METTL8: variants seen among roughly 807,000 people sequenced by gnomAD.
METTL8 encodes methyltransferase 8, tRNA N3-cytidine.
METTL8 carries 32 observed loss-of-function variants against 48.7 expected under a neutral mutation model. The observed-to-expected ratio is 0.66, with a 90% CI of 0.50 to 0.88. The LOEUF (loss-of-function observed/expected upper bound fraction) is 0.88, where lower values mean the gene tolerates loss of function less well. Ranked by LOEUF, METTL8 falls within the 40% of genes least tolerant of loss-of-function variation. The pLI is 0.00. For missense variants in METTL8, 464 were observed against 474.4 expected (o/e 0.98, Z 0.20); for synonymous variants, 136 against 157.1 (o/e 0.87, Z 1.01).
chr2:171,337,747 C>A (rs555448408), intron 4 of METTL8, among the ~76,000 whole-genome samples: 3 of 149,928 alleles, frequency 2.0e-5, no homozygotes, highest in Admixed American at 1.3e-4. Context: ...ATAACCAATA[C>A]GCTGTGAAGA....
chr2:171,384,515 C>T lies in METTL8; in HGVS notation c.143+7528G>A, dbSNP rs563307682. ...ACAGGGCAAGACTGTCTCAAATAAG[C>T]AAACAAACAAACAGACAAAAAATGA... On this transcript the variant is annotated intron_variant, in intron 2 of 9. Coordinates refer to ENST00000375258, the MANE Select transcript of METTL8 (RefSeq NM_001321154.2). Among the ~76,000 whole-genome samples, 3 of 145,628 alleles carry T rather than the reference C, an allele frequency of 2.1e-5. No homozygotes were observed. The East Asian group carries it at 6.3e-4, about 31-fold the overall frequency.
chr2:171,378,598 T>TGGAGTGA (rs1687207049), intron 2 of METTL8, among the ~76,000 whole-genome samples: 1 of 151,778 alleles, frequency 6.6e-6, no homozygotes, highest in Non-Finnish European at 1.5e-5. Flanking sequence ...ACCACTGCAC[T>TGGAGTGA]CCAGCCTGGG....
chr2:171,336,201 T>C (rs1686071991), intron 5 of METTL8, among the ~76,000 whole-genome samples: 1 of 152,004 alleles, frequency 6.6e-6, no homozygotes, highest in African/African-American at 2.4e-5. Context: ...GTTCAAGCAA[T>C]TCTCCTGTCT....
chr2:171,419,260 G>A (rs1406709456), intron 1 of METTL8, among the ~76,000 whole-genome samples: 1 of 151,896 alleles, frequency 6.6e-6, no homozygotes, highest in Admixed American at 6.6e-5. Flanking sequence ...TCCTCTCAAG[G>A]GACAAAGCAA....
chr2:171,346,727 C>G (rs926669501), intron 3 of METTL8, among the ~76,000 whole-genome samples: 2 of 152,232 alleles, frequency 1.3e-5, no homozygotes, highest in African/African-American at 2.4e-5. Flanking sequence ...TTCACAGAGG[C>G]ACTTGCCGAA....
intron 2 of METTL8, chr2:171,375,423 C>T: frequency 1.7e-6 from 1 of 603,832 alleles, no homozygotes; most frequent in South Asian, 2.0e-5. Context: ...TTTTATATTC[C>T]CACCAGCAGT....
chr2:171,431,809 G>A (rs1266036530), intron 1 of METTL8, among the ~76,000 whole-genome samples: 1 of 151,744 alleles, frequency 6.6e-6, no homozygotes, highest in African/African-American at 2.4e-5. Context: ...TGTTCGTCAG[G>A]CTGCAGAGGG....
At position 171,317,713 on chromosome 2, in the gene METTL8, T is replaced by A. The variant is rs1026500209; in HGVS notation, c.*6459A>T. On this transcript the variant is annotated 3_prime_UTR_variant, in exon 10 of 10. Transcript: ENST00000375258. ...CACTGTAGAATCAGAAGCTGTTGTT[T>A]TAAACTCTTGGCCAAGTAGCAGTGC... 1 of 152,244 alleles carries A rather than the reference T, an allele frequency of 6.6e-6. No individual in the cohort carries two copies. The highest frequency in any genetic ancestry group is 1.5e-5 in the Non-Finnish European group (1 of 68,050). 9.4% of individuals were successfully genotyped at this position (152,244 alleles called of 1,614,324 possible). A position where few individuals can be genotyped will look rare whatever the true frequency, so the allele number is the denominator to read the frequency against.
chr2:171,432,736 C>CTTAGT (rs1266433407), intron 1 of METTL8, among the ~76,000 whole-genome samples: 1 of 152,208 alleles, frequency 6.6e-6, no homozygotes, highest in Non-Finnish European at 1.5e-5. Context: ...TTACTAAACA[C>CTTAGT]TTAAACTGTG....
Position 171,425,795 on chromosome 2 carries a change from A to G in METTL8, c.-13+8088T>C, listed in dbSNP as rs150623038. On this transcript the variant is annotated intron_variant, in intron 1 of 9. Transcript: ENST00000375258. ...ATTTGTTATACAGCAAAAGAAAACT[A>G]ACGCATTCTTTAACGTGTGCCAGGA... 1.6e-3 allele frequency among the ~76,000 whole-genome samples: 243 copies of G among 152,336 alleles called. 2 individuals carry two copies. The highest frequency in any genetic ancestry group is 5.5e-3 in the African/African-American group (228 of 41,572).
At chr2:171,337,345 A>T (rs1019216899) in intron 5 of METTL8, 108 bp downstream of exon 5, 6 of 697,312 alleles carry the variant, frequency 8.6e-6, no homozygotes, top group South Asian at 4.8e-5. Flanking sequence ...CATTGTTCAT[A>T]TAAGAATTAG....
intron 2 of METTL8, among the ~76,000 whole-genome samples, chr2:171,384,038 T>C (rs939822116): frequency 2.0e-5 from 3 of 152,192 alleles, no homozygotes; most frequent in Non-Finnish European, 4.4e-5. Flanking sequence ...ACAGCCCAAA[T>C]GTCTATCAGT....
At chr2:171,412,267 T>C (rs1384761072) in intron 1 of METTL8, among the ~76,000 whole-genome samples, 1 of 152,172 alleles carries the variant, frequency 6.6e-6, no homozygotes, top group South Asian at 2.1e-4. Context: ...CTCTGTCAAT[T>C]ACAAAATGGC....
chr2:171,411,066 T>C (rs1458986468), intron 1 of METTL8, among the ~76,000 whole-genome samples: 1 of 152,118 alleles, frequency 6.6e-6, no homozygotes, highest in African/African-American at 2.4e-5. Flanking sequence ...TAATATGAAA[T>C]ACCTAGGAAT....
chr2:171,339,144 T>G, intron 4 of METTL8, 40 bp downstream of exon 4: 1 of 1,413,378 alleles, frequency 7.1e-7, no homozygotes, highest in Non-Finnish European at 9.3e-7. Context: ...CATTTTCAAA[T>G]TATTTGTCAC....
intron 3 of METTL8, among the ~76,000 whole-genome samples, chr2:171,351,465 T>G (rs909045581): frequency 2.0e-5 from 3 of 152,224 alleles, no homozygotes; most frequent in African/African-American, 7.2e-5. Context: ...TGTTTCCATA[T>G]GAACTTTCAA....
At chr2:171,379,659 G>T (rs1687320568) in intron 2 of METTL8, among the ~76,000 whole-genome samples, 1 of 152,172 alleles carries the variant, frequency 6.6e-6, no homozygotes, top group South Asian at 2.1e-4. Flanking sequence ...CTAAAGAAAT[G>T]GATAAATTCC....
At position 171,318,950 on chromosome 2, in the gene METTL8, T is replaced by C. The variant is rs140549866; in HGVS notation, c.*5222A>G. ...TACCCAACATCTCTTCTGTAAATGGTTATCATCAAAATGAATTCCTAGGAG... is the reference window on the plus strand; with the variant it reads ...TACCCAACATCTCTTCTGTAAATGGCTATCATCAAAATGAATTCCTAGGAG... On this transcript the variant is annotated 3_prime_UTR_variant, in exon 10 of 10. Coordinates refer to ENST00000375258, the MANE Select transcript of METTL8 (RefSeq NM_001321154.2). The C allele has an allele frequency of 6.6e-6, 1 of 152,170 alleles. No homozygotes were observed. Among genetic ancestry groups the C allele is most frequent in the East Asian group, 1.9e-4 (1 of 5,184 alleles). 9.4% of individuals were successfully genotyped at this position (152,170 alleles called of 1,614,324 possible).
At chr2:171,370,512 C>A (rs1686210764) in intron 2 of METTL8, among the ~76,000 whole-genome samples, 1 of 152,162 alleles carries the variant, frequency 6.6e-6, no homozygotes, top group Non-Finnish European at 1.5e-5. Context: ...AGCATACGGG[C>A]TGGGCACGGT....
Sources: gnomAD v4.1 joint callset for allele counts (sites outside exome capture counted in the v4.1 genomes callset) on GRCh38, gnomAD v4.1.1 for gene constraint, MANE v1.5 for transcripts, NCBI Gene and HGNC (gene_info 2026-07-23, HGNC 2026-07-21) for gene names.